Variants in ATE1 observed in about 807,000 individuals in gnomAD.
The protein encoded by ATE1 is arginyl-tRNA--protein transferase 1.
In ATE1, 36 loss-of-function variants were observed where a neutral mutation model predicts 70.5. That is an observed-to-expected ratio of 0.51 (90% confidence interval 0.39 to 0.67). The LOEUF (loss-of-function observed/expected upper bound fraction) is 0.67. ATE1 is among the 30% of genes least tolerant of loss of function. ATE1 has a pLI of 0.00. For synonymous variants in ATE1, 232 were observed against 219.3 expected, an observed-to-expected ratio of 1.06 and a Z score of -0.51; for missense variants, 593 against 629.5, an observed-to-expected ratio of 0.94 and a Z score of 0.62.
chr10:121,888,519 C>T (rs1950478986), intron 7 of ATE1, among the ~76,000 whole-genome samples: 1 of 152,170 alleles, frequency 6.6e-6, no homozygotes, highest in Non-Finnish European at 1.5e-5. Context: ...ACATTACATG[C>T]TGCTTGATAT....
At chr10:121,911,476 C>T (rs1951428698) in intron 4 of ATE1, among the ~76,000 whole-genome samples, 1 of 151,876 alleles carries the variant, frequency 6.6e-6, no homozygotes, top group African/African-American at 2.4e-5. Flanking sequence ...ACTGTGGCGC[C>T]CTAGCAGGGC....
At chr10:121,752,518 C>T (rs886398007) in intron 11 of ATE1, among the ~76,000 whole-genome samples, 4 of 152,108 alleles carry the variant, frequency 2.6e-5, no homozygotes, top group African/African-American at 4.8e-5. Flanking sequence ...CGTGAGCCAC[C>T]GCACCTGGCA....
At chr10:121,823,598 A>G (rs1185118688) in intron 10 of ATE1, among the ~76,000 whole-genome samples, 3 of 152,226 alleles carry the variant, frequency 2.0e-5, no homozygotes, top group Non-Finnish European at 4.4e-5. Flanking sequence ...AAGAGAAGGA[A>G]GCACATTTCC....
Position 121,794,661 on chromosome 10 carries a change from TAA to T in ATE1, c.1258-4374_1258-4373del, listed in dbSNP as rs374044559. On this transcript the variant is annotated intron_variant, in intron 10 of 11. Transcript: ENST00000224652. Reference sequence around the variant, plus strand: ...AGAAGAGAATACCAAGAATGTCTGGTAAAAAAAAAAAAAAAAAAAAGAACATA... The same window carrying T: ...AGAAGAGAATACCAAGAATGTCTGGTAAAAAAAAAAAAAAAAAAGAACATA... 8.2e-3 allele frequency among the ~76,000 whole-genome samples: 538 copies of T among 65,670 alleles called. 4 individuals carry two copies. The highest frequency in any genetic ancestry group is 0.033 in the African/African-American group (520 of 15,648). 43.1% of individuals were successfully genotyped at this position (65,670 alleles called of 152,430 possible).
In ATE1 at chr10:121,743,567, T is replaced by A; in HGVS notation, c.*113A>T. On this transcript the variant is annotated 3_prime_UTR_variant, in exon 12 of 12. Coordinates refer to ENST00000224652, the MANE Select transcript of ATE1 (RefSeq NM_001001976.3). Reference sequence around the variant, plus strand: ...TTTTAAAAGCCATAGATAGTCAAAATAAAAAATGTCTAATTTGTGGGTGGT... The same window carrying A: ...TTTTAAAAGCCATAGATAGTCAAAAAAAAAAATGTCTAATTTGTGGGTGGT... 1 of 1,382,626 alleles carries A rather than the reference T, an allele frequency of 7.2e-7. No homozygotes were observed. The highest frequency in any genetic ancestry group is 9.3e-7 in the Non-Finnish European group (1 of 1,071,326). 85.6% of individuals were successfully genotyped at this position (1,382,626 alleles called of 1,614,324 possible). A position where few individuals can be genotyped will look rare whatever the true frequency, so the allele number is the denominator to read the frequency against.
At position 121,790,428 on chromosome 10, in the gene ATE1, AC is replaced by A. The variant is rs1946387889; in HGVS notation, c.1258-140del. 3.7e-6 allele frequency: 4 copies of A among 1,087,018 alleles called. No homozygotes were observed. The South Asian group carries it at 6.0e-5, about 16-fold the overall frequency. The allele number at this position is 1,087,018 out of a possible 1,614,324, so 67.3% of individuals were successfully genotyped here. On this transcript the variant is annotated intron_variant, in intron 10 of 11. Transcript: ENST00000224652. ...ACTGTTTTACTGTAAATACTAAGCA[AC>A]CCTGTAGCTGATAGTTTTCCCATCT...
intron 7 of ATE1, chr10:121,899,055 A>C: frequency 2.0e-6 from 3 of 1,466,360 alleles, no homozygotes; most frequent in Non-Finnish European, 1.8e-6. Flanking sequence ...TAAGATCTCC[A>C]CAAATCCACG....
At chr10:121,753,992 G>A (rs1944694764) in intron 11 of ATE1, among the ~76,000 whole-genome samples, 1 of 152,132 alleles carries the variant, frequency 6.6e-6, no homozygotes, top group African/African-American at 2.4e-5. Flanking sequence ...TGAGAAAATG[G>A]GGAGGCCAGA....
At chr10:121,922,953 C>A (rs565042625) in intron 2 of ATE1, among the ~76,000 whole-genome samples, 1 of 152,126 alleles carries the variant, frequency 6.6e-6, no homozygotes, top group African/African-American at 2.4e-5. Context: ...GCAAGCTTTC[C>A]TTCATTTTAA....
At chr10:121,913,405 G>A (rs983938955) in intron 4 of ATE1, among the ~76,000 whole-genome samples, 1 of 152,184 alleles carries the variant, frequency 6.6e-6, no homozygotes, top group African/African-American at 2.4e-5. Flanking sequence ...AAAAGGAATA[G>A]GGCAATCTTG....
chr10:121,819,561 G>C (rs2133568821), intron 10 of ATE1, among the ~76,000 whole-genome samples: 1 of 151,422 alleles, frequency 6.6e-6, no homozygotes, highest in East Asian at 1.9e-4. Context: ...AATAAAATTA[G>C]CCAGGCGTGG....
At chr10:121,773,303 T>C (rs1425193834) in intron 11 of ATE1, among the ~76,000 whole-genome samples, 1 of 152,208 alleles carries the variant, frequency 6.6e-6, no homozygotes, top group Non-Finnish European at 1.5e-5. Context: ...GACCCTATCA[T>C]AAAAATATTA....
intron 7 of ATE1, among the ~76,000 whole-genome samples, chr10:121,881,669 T>TAAA (rs11309013): frequency 8.0e-6 from 1 of 125,598 alleles, no homozygotes; most frequent in Non-Finnish European, 1.6e-5. Flanking sequence ...TCCTGTCTCT[T>TAAA]AAAAAAAAAA....
intron 10 of ATE1, among the ~76,000 whole-genome samples, chr10:121,798,816 C>T (rs1297771085): frequency 6.6e-6 from 1 of 151,592 alleles, no homozygotes; most frequent in Non-Finnish European, 1.5e-5. Flanking sequence ...GGAGGATCAC[C>T]TGAACCCAGA....
chr10:121,875,299 T>G (rs1167564189), intron 7 of ATE1, among the ~76,000 whole-genome samples: 19 of 26,996 alleles, frequency 7.0e-4, no homozygotes, highest in East Asian at 1.5e-3. Context: ...TTTTTTTTGG[T>G]TTTTTTTTGT....
chr10:121,838,035 A>T (rs1948493220), intron 9 of ATE1, among the ~76,000 whole-genome samples: 1 of 151,912 alleles, frequency 6.6e-6, no homozygotes, highest in African/African-American at 2.4e-5. Flanking sequence ...TTTCTCTCTA[A>T]AATATGTCTT....
intron 5 of ATE1, among the ~76,000 whole-genome samples, chr10:121,909,984 C>T (rs1283999303): frequency 6.6e-6 from 1 of 152,134 alleles, no homozygotes; most frequent in Non-Finnish European, 1.5e-5. Flanking sequence ...CTCAAGGCTG[C>T]AGTGAGCTAT....
chr10:121,807,360 T>C (rs1947136736), intron 10 of ATE1, among the ~76,000 whole-genome samples: 1 of 152,238 alleles, frequency 6.6e-6, no homozygotes, highest in African/African-American at 2.4e-5. Context: ...CCATTACATT[T>C]AGTTTGTAAA....
intron 7 of ATE1, among the ~76,000 whole-genome samples, chr10:121,893,193 C>T (rs998950722): frequency 2.0e-5 from 3 of 150,258 alleles, no homozygotes; most frequent in Non-Finnish European, 4.4e-5. Context: ...AGGAGAATTG[C>T]TTAAATCCGG....
Sources: gnomAD v4.1 joint callset for allele counts (sites outside exome capture counted in the v4.1 genomes callset) on GRCh38, gnomAD v4.1.1 for gene constraint, MANE v1.5 for transcripts, NCBI Gene and HGNC (gene_info 2026-07-23, HGNC 2026-07-21) for gene names.